Variants in VWC2 observed in about 807,000 individuals in gnomAD.
VWC2 encodes the protein von Willebrand factor C domain containing 2, also known as brorin.
In VWC2, 14 loss-of-function variants were observed where a neutral mutation model predicts 29.8. The ratio of observed to expected loss-of-function variants is 0.47; its 90% confidence interval spans 0.31 to 0.74. The LOEUF (loss-of-function observed/expected upper bound fraction) is 0.74. VWC2 is among the 30% of genes least tolerant of loss of function. The pLI, the probability that VWC2 is intolerant of heterozygous loss-of-function variation, is 0.05. For missense variants in VWC2, 457 were observed against 459.8 expected (o/e 0.99, Z 0.05); for synonymous variants, 213 against 199.0 (o/e 1.07, Z -0.59).
intron 2 of VWC2, among the ~76,000 whole-genome samples, chr7:49,782,067 T>A (rs2128701675): frequency 6.6e-6 from 1 of 152,314 alleles, no homozygotes; most frequent in African/African-American, 2.4e-5. Context: ...ATAAAACATT[T>A]GTTTACTAGT....
chr7:49,910,914 AAC>A (rs1364014155), intron 3 of VWC2, among the ~76,000 whole-genome samples: 1 of 152,168 alleles, frequency 6.6e-6, no homozygotes, highest in Admixed American at 6.5e-5. Flanking sequence ...AAACTCTGCA[AAC>A]AGTGTTTTCA....
rs1197250863 is a variant in VWC2, at chr7:49,914,629, C to A, written c.*2444C>A. On this transcript the variant is annotated 3_prime_UTR_variant, in exon 4 of 4. Transcript: ENST00000340652. ...TAATGGCATTATTTGCATTTTTGTCCAAGATCAACTTCTTCTTGCAGTTAG... is the reference window on the plus strand; with the variant it reads ...TAATGGCATTATTTGCATTTTTGTCAAAGATCAACTTCTTCTTGCAGTTAG... The A allele has an allele frequency of 6.6e-6, 1 of 152,050 alleles. No individual in the cohort carries two copies. The highest frequency in any genetic ancestry group is 1.5e-5 in the Non-Finnish European group (1 of 68,008). The allele number at this position is 152,050 out of a possible 1,614,324, so 9.4% of individuals were successfully genotyped here. A position where few individuals can be genotyped will look rare whatever the true frequency, so the allele number is the denominator to read the frequency against.
At chr7:49,824,221 G>A (rs1466023813) in intron 3 of VWC2, among the ~76,000 whole-genome samples, 1 of 152,126 alleles carries the variant, frequency 6.6e-6, no homozygotes, top group African/African-American at 2.4e-5. Flanking sequence ...CCAGAAGTTT[G>A]TAATTTTAGC....
chr7:49,819,909 T>C (rs1230558404), intron 3 of VWC2, among the ~76,000 whole-genome samples: 1 of 152,118 alleles, frequency 6.6e-6, no homozygotes, highest in East Asian at 1.9e-4. Context: ...GTCCTATAAA[T>C]AGAGGGAGGG....
chr7:49,821,028 T>C (rs1049648645), intron 3 of VWC2, among the ~76,000 whole-genome samples: 7 of 151,730 alleles, frequency 4.6e-5, no homozygotes, highest in African/African-American at 1.7e-4. Context: ...GGATGCTGAA[T>C]GAAGGGCTTG....
At chr7:49,803,175 G>A (rs1259653986) in intron 3 of VWC2, among the ~76,000 whole-genome samples, 1 of 152,158 alleles carries the variant, frequency 6.6e-6, no homozygotes, top group Non-Finnish European at 1.5e-5. Flanking sequence ...AAACACACTG[G>A]TTGGGCTCAT....
chr7:49,838,035 AAT>A lies in VWC2; in HGVS notation c.826+35196_826+35197del, dbSNP rs1271720444. Among the ~76,000 whole-genome samples the A allele has an allele frequency of 3.9e-5, 6 of 152,368 alleles. No individual in the cohort carries two copies. The East Asian group carries it at 1.2e-3, about 29-fold the overall frequency. ...ACTGGAAGCAATTCAAAGGGAAGTC[AAT>A]GCTATCCAGTCCAGATGTGCAAGTC... On this transcript the variant is annotated intron_variant, in intron 3 of 3. Transcript: ENST00000340652.
chr7:49,877,107 G>A (rs1791442787), intron 3 of VWC2, among the ~76,000 whole-genome samples: 1 of 152,064 alleles, frequency 6.6e-6, no homozygotes, highest in Non-Finnish European at 1.5e-5. Context: ...TGAGAATCAA[G>A]TGAGAAAATA....
At chr7:49,788,476 A>T (rs199985857) in intron 2 of VWC2, among the ~76,000 whole-genome samples, 2 of 141,892 alleles carry the variant, frequency 1.4e-5, no homozygotes, top group South Asian at 2.3e-4. Flanking sequence ...TGTGAGAGAG[A>T]GTGTGTGGGT....
At chr7:49,778,721 T>G (rs481076) in intron 2 of VWC2, among the ~76,000 whole-genome samples, 73,542 of 152,060 alleles carry the variant, frequency 0.48, 18,243 homozygotes, top group African/African-American at 0.56. Context: ...TAATGGAGAT[T>G]TGTCATGATG....
intron 3 of VWC2, among the ~76,000 whole-genome samples, chr7:49,814,086 T>C (rs1231724084): frequency 2.0e-5 from 3 of 152,232 alleles, no homozygotes; most frequent in Non-Finnish European, 4.4e-5. Flanking sequence ...AATGTACTTA[T>C]TTTACACGTG....
rs563398035 is a variant in VWC2, at chr7:49,894,397, T to A, written c.827-17637T>A. The stretch of plus-strand genomic sequence containing the variant: ...GTCCACCTGCCTCGGCCTCCCAAAG[T>A]GTTATGATTACAGGCATGAGCCACT... On this transcript the variant is annotated intron_variant, in intron 3 of 3. Transcript: ENST00000340652. 2.0e-5 allele frequency among the ~76,000 whole-genome samples: 3 copies of A among 152,316 alleles called. No homozygotes were observed. The South Asian group carries it at 6.2e-4, about 32-fold the overall frequency.
At chr7:49,846,258 G>T (rs487993) in intron 3 of VWC2, among the ~76,000 whole-genome samples, 6,660 of 152,024 alleles carry the variant, frequency 0.044, 478 homozygotes, top group African/African-American at 0.15. Flanking sequence ...CCTGCATGTC[G>T]CCACTTCCTC....
At chr7:49,882,864 T>G (rs938792425) in intron 3 of VWC2, among the ~76,000 whole-genome samples, 12 of 151,902 alleles carry the variant, frequency 7.9e-5, no homozygotes, top group African/African-American at 9.7e-5. Flanking sequence ...TTTTTTTGTT[T>G]TTGTTGTTGT....
intron 3 of VWC2, among the ~76,000 whole-genome samples, chr7:49,867,715 G>A (rs1189680433): frequency 2.6e-5 from 4 of 152,184 alleles, no homozygotes; most frequent in Non-Finnish European, 5.9e-5. Context: ...AGTCAGCCAC[G>A]ATCCCATTAC....
intron 1 of VWC2, among the ~76,000 whole-genome samples, chr7:49,774,815 A>G (rs1788015779): frequency 6.6e-6 from 1 of 152,214 alleles, no homozygotes; most frequent in Admixed American, 6.5e-5. Context: ...GTGGAGTCCT[A>G]GGAGAAGCTT....
chr7:49,827,791 A>G (rs1231466450), intron 3 of VWC2, among the ~76,000 whole-genome samples: 3 of 152,042 alleles, frequency 2.0e-5, no homozygotes, highest in Non-Finnish European at 4.4e-5. Context: ...CCTTCTCTGG[A>G]CACCCCATTA....
chr7:49,804,191 G>A (rs943652901), intron 3 of VWC2, among the ~76,000 whole-genome samples: 1 of 151,640 alleles, frequency 6.6e-6, no homozygotes, highest in Non-Finnish European at 1.5e-5. Context: ...AAATGATGTT[G>A]AGACACCAGC....
At chr7:49,797,906 G>C (rs1328105398) in intron 2 of VWC2, among the ~76,000 whole-genome samples, 1 of 152,204 alleles carries the variant, frequency 6.6e-6, no homozygotes, top group Non-Finnish European at 1.5e-5. Flanking sequence ...TGTGAAGAAT[G>C]ACATTTCTGC....
Sources: allele counts gnomAD v4.1 joint callset (sites outside exome capture counted in the v4.1 genomes callset), GRCh38; gene constraint gnomAD v4.1.1; transcripts MANE v1.5; gene names NCBI Gene and HGNC (gene_info 2026-07-23, HGNC 2026-07-21).